The following DSCAM variants were observed in gnomAD, a reference collection of about 807,000 sequenced individuals.
DSCAM encodes the protein DS cell adhesion molecule.
DSCAM carries 47 observed loss-of-function variants against 217.7 expected under a neutral mutation model. That is an observed-to-expected ratio of 0.22 (90% CI 0.17 to 0.28). The LOEUF (loss-of-function observed/expected upper bound fraction) is 0.28. DSCAM is among the 10% of genes least tolerant of loss of function. DSCAM has a pLI of 1.00. For synonymous variants in DSCAM, 1,056 were observed against 1,015.3 expected, an observed-to-expected ratio of 1.04 and a Z score of -0.76; for missense variants, 2,080 against 2,618.3, an observed-to-expected ratio of 0.79 and a Z score of 4.49.
chr21:40,193,422 CTG>C (rs1437019363), intron 11 of DSCAM, among the ~76,000 whole-genome samples: 2 of 152,172 alleles, frequency 1.3e-5, no homozygotes, highest in Non-Finnish European at 2.9e-5. Flanking sequence ...AATTACAAAA[CTG>C]TGAATAAATA....
intron 3 of DSCAM, among the ~76,000 whole-genome samples, chr21:40,592,657 A>G (rs1432757606): frequency 6.6e-6 from 1 of 152,072 alleles, no homozygotes; most frequent in Non-Finnish European, 1.5e-5. Context: ...TCAAGTCTTG[A>G]CTTAGATGTC....
chr21:40,611,776 C>T (rs1022770220), intron 3 of DSCAM, among the ~76,000 whole-genome samples: 1 of 152,218 alleles, frequency 6.6e-6, no homozygotes, highest in Non-Finnish European at 1.5e-5. Context: ...CCCTTGCCCT[C>T]ATGGGACTTC....
chr21:40,624,890 C>A (rs571973827), intron 3 of DSCAM, among the ~76,000 whole-genome samples: 1 of 152,124 alleles, frequency 6.6e-6, no homozygotes, highest in East Asian at 1.9e-4. Flanking sequence ...ATCTAAATAG[C>A]ATATTCATAC....
intron 9 of DSCAM, among the ~76,000 whole-genome samples, chr21:40,303,940 G>A (rs1396633130): frequency 2.0e-5 from 3 of 152,318 alleles, no homozygotes; most frequent in East Asian, 3.9e-4. Context: ...TTGTGTTGGT[G>A]CTTTCCTGTG....
intron 3 of DSCAM, among the ~76,000 whole-genome samples, chr21:40,572,090 GT>G (rs1568913541): frequency 4.2e-4 from 9 of 21,386 alleles, no homozygotes; most frequent in Non-Finnish European, 6.7e-4. Flanking sequence ...GTGTGGGTGT[GT>G]GTGTGTGTGT....
At chr21:40,055,632 T>C (rs775006120) in intron 29 of DSCAM, 93 bp downstream of exon 29, 69 of 913,632 alleles carry the variant, frequency 7.6e-5, no homozygotes, top group Non-Finnish European at 1.1e-4. Context: ...CAAGACGCTC[T>C]CCTGTCTAAT....
At chr21:40,526,146 G>A (rs1751543563) in intron 3 of DSCAM, among the ~76,000 whole-genome samples, 1 of 152,122 alleles carries the variant, frequency 6.6e-6, no homozygotes, top group African/African-American at 2.4e-5. Flanking sequence ...GCTTCTCGGG[G>A]AGCCCAGCGT....
At chr21:40,425,137 C>T (rs913092647) in intron 3 of DSCAM, among the ~76,000 whole-genome samples, 2 of 152,106 alleles carry the variant, frequency 1.3e-5, no homozygotes, top group Non-Finnish European at 2.9e-5. Context: ...TAATCTCTTA[C>T]AGTTATTGAG....
At chr21:40,497,931 C>A (rs762049784) in intron 3 of DSCAM, among the ~76,000 whole-genome samples, 2 of 152,104 alleles carry the variant, frequency 1.3e-5, no homozygotes, top group Non-Finnish European at 2.9e-5. Context: ...ATTTTGAAAC[C>A]ACTAAAATTA....
chr21:40,486,828 T>G (rs898165002), intron 3 of DSCAM, among the ~76,000 whole-genome samples: 1 of 152,112 alleles, frequency 6.6e-6, no homozygotes, highest in African/African-American at 2.4e-5. Flanking sequence ...GAGCTTGAAA[T>G]CAGCTACCAT....
At position 40,846,688 on chromosome 21, in the gene DSCAM, G is replaced by A. The variant is rs749648185; in HGVS notation, c.-27C>T. 8.8e-7 allele frequency: 1 copy of A among 1,140,594 alleles called. No homozygotes were observed. Among genetic ancestry groups the A allele is most frequent in the South Asian group, 3.7e-5 (1 of 27,056 alleles). 70.7% of individuals were successfully genotyped at this position (1,140,594 alleles called of 1,614,324 possible). A position where few individuals can be genotyped will look rare whatever the true frequency, so the allele number is the denominator to read the frequency against. ...CCCCTGCCGCTCCCCGGCCTCCCGC[G>A]AGCGACGCGCCGGCCTCGCCCCCCG... On this transcript the variant is annotated 5_prime_UTR_variant, in exon 1 of 33. Transcript: ENST00000400454.
At chr21:40,094,952 A>G (rs1386538276) in intron 20 of DSCAM, among the ~76,000 whole-genome samples, 1 of 152,240 alleles carries the variant, frequency 6.6e-6, no homozygotes, top group African/African-American at 2.4e-5. Flanking sequence ...ATGACTGGAT[A>G]AACATAATAT....
intron 11 of DSCAM, among the ~76,000 whole-genome samples, chr21:40,200,349 G>A (rs562414851): frequency 4.6e-5 from 7 of 152,152 alleles, no homozygotes; most frequent in South Asian, 2.1e-4. Flanking sequence ...TCTACTTTCC[G>A]TCTCTATGAA....
chr21:40,345,859 A>G (rs1270908036), intron 6 of DSCAM, among the ~76,000 whole-genome samples: 1 of 152,174 alleles, frequency 6.6e-6, no homozygotes, highest in Non-Finnish European at 1.5e-5. Flanking sequence ...TCCTGAATGG[A>G]AGCTGACATG....
chr21:40,620,342 A>AG (rs2089488681), intron 3 of DSCAM, among the ~76,000 whole-genome samples: 2 of 140,004 alleles, frequency 1.4e-5, no homozygotes, highest in African/African-American at 5.4e-5. Context: ...AAAAAGAAAG[A>AG]AAGAGAAAGA....
chr21:40,079,576 C>G (rs2089422311), intron 25 of DSCAM, among the ~76,000 whole-genome samples: 1 of 152,188 alleles, frequency 6.6e-6, no homozygotes, highest in South Asian at 2.1e-4. Flanking sequence ...GGAGGGAAGC[C>G]TGCAAAGACA....
At chr21:40,753,659 A>G (rs550958643) in intron 1 of DSCAM, among the ~76,000 whole-genome samples, 46 of 152,286 alleles carry the variant, frequency 3.0e-4, no homozygotes, top group African/African-American at 1.1e-3. Context: ...GCTTTTAAAC[A>G]ACCTTTAGAT....
In DSCAM at chr21:40,408,533, G is replaced by C. The variant is rs191281250; in HGVS notation, c.509-39288C>G. Among the ~76,000 whole-genome samples, 5 of 152,220 alleles carry C rather than the reference G, an allele frequency of 3.3e-5. No individual in the cohort carries two copies. In the East Asian group the frequency reaches 9.7e-4, roughly 29 times the overall value. ...ATTTAGTGAGGAGCATTGACAACCT[G>C]AAAATTGAATATCTTTTATTTCTGA... is the stretch of plus-strand genomic sequence containing the variant. On this transcript the variant is annotated intron_variant, in intron 3 of 32. Coordinates refer to ENST00000400454, the MANE Select transcript of DSCAM (RefSeq NM_001389.5).
At chr21:40,136,145 G>C (rs1484868094) in intron 18 of DSCAM, among the ~76,000 whole-genome samples, 1 of 152,222 alleles carries the variant, frequency 6.6e-6, no homozygotes, top group African/African-American at 2.4e-5. Context: ...TCAACGGAGG[G>C]CTTACGAAAA....
Sources: gnomAD v4.1 joint callset for allele counts (sites outside exome capture counted in the v4.1 genomes callset) on GRCh38, gnomAD v4.1.1 for gene constraint, MANE v1.5 for transcripts, NCBI Gene and HGNC (gene_info 2026-07-23, HGNC 2026-07-21) for gene names.